MAPK9: variants seen among roughly 807,000 people sequenced by gnomAD.
MAPK9 encodes mitogen-activated protein kinase 9.
A neutral mutation model predicts 57.1 loss-of-function variants in MAPK9; 30 were observed. That is an observed-to-expected ratio of 0.53 (90% CI 0.39 to 0.71). The LOEUF (loss-of-function observed/expected upper bound fraction) is 0.71. Among genes scored for constraint, MAPK9 ranks in the 30% least tolerant of loss-of-function variants. The pLI, the probability that MAPK9 is intolerant of heterozygous loss-of-function variation, is 0.00. For synonymous variants in MAPK9, 155 were observed against 177.0 expected, an observed-to-expected ratio of 0.88 and a Z score of 0.99; for missense variants, 362 against 521.0, an observed-to-expected ratio of 0.69 and a Z score of 2.97.
intron 2 of MAPK9, among the ~76,000 whole-genome samples, chr5:180,278,642 T>A (rs1411610601): frequency 6.6e-6 from 1 of 152,088 alleles, no homozygotes; most frequent in Non-Finnish European, 1.5e-5. Flanking sequence ...GAGGCTACAG[T>A]GAGCTGAGAT....
chr5:180,241,392 G>A (rs1269011155), intron 8 of MAPK9, among the ~76,000 whole-genome samples: 1 of 151,742 alleles, frequency 6.6e-6, no homozygotes, highest in African/African-American at 2.4e-5. Flanking sequence ...CCACCTCCCG[G>A]GTTCACGCCA....
chr5:180,273,244 T>G (rs936087330), intron 2 of MAPK9, among the ~76,000 whole-genome samples: 1 of 152,254 alleles, frequency 6.6e-6, no homozygotes, highest in Non-Finnish European at 1.5e-5. Context: ...CTGTTGTTCT[T>G]TACATATTCT....
intron 2 of MAPK9, among the ~76,000 whole-genome samples, chr5:180,270,808 C>T: frequency 6.9e-6 from 1 of 145,194 alleles, no homozygotes; most frequent in Non-Finnish European, 1.5e-5. Flanking sequence ...CTGATCCCTC[C>T]ACTGCACCCC....
chr5:180,261,140 C>G (rs568028526), intron 5 of MAPK9, among the ~76,000 whole-genome samples: 2 of 152,164 alleles, frequency 1.3e-5, no homozygotes, highest in Non-Finnish European at 2.9e-5. Flanking sequence ...TGCTCTGAAC[C>G]CTTGCGGTGC....
At chr5:180,272,423 C>A (rs1761419024) in intron 2 of MAPK9, among the ~76,000 whole-genome samples, 2 of 152,196 alleles carry the variant, frequency 1.3e-5, no homozygotes, top group South Asian at 4.1e-4. Flanking sequence ...TCCTTTGCTT[C>A]TTTTTTTGTT....
chr5:180,280,645 G>T, intron 1 of MAPK9, 37 bp from the exon 2 acceptor site: 1 of 1,520,022 alleles, frequency 6.6e-7, no homozygotes, highest in Non-Finnish European at 8.9e-7. Context: ...CATTCTTACC[G>T]GAAGTACATA....
At chr5:180,267,548 C>T (rs563567445) in intron 3 of MAPK9, among the ~76,000 whole-genome samples, 248 of 120,362 alleles carry the variant, frequency 2.1e-3, no homozygotes, top group African/African-American at 3.6e-3. Flanking sequence ...GGCGACAGAG[C>T]GAGACTCCGT....
At chr5:180,252,040 C>G (rs987918339) in intron 5 of MAPK9, among the ~76,000 whole-genome samples, 2 of 152,284 alleles carry the variant, frequency 1.3e-5, no homozygotes, top group South Asian at 4.1e-4. Flanking sequence ...GACACTGAAA[C>G]CCGAAGACCC....
At chr5:180,248,891 C>T in intron 6 of MAPK9, 82 bp downstream of exon 6, 2 of 1,470,698 alleles carry the variant, frequency 1.4e-6, no homozygotes, top group Non-Finnish European at 1.8e-6. Context: ...TCATATGGTT[C>T]AAAGGAAAGA....
chr5:180,290,353 C>T (rs545602963), intron 1 of MAPK9, among the ~76,000 whole-genome samples: 2 of 152,292 alleles, frequency 1.3e-5, no homozygotes, highest in South Asian at 2.1e-4. Flanking sequence ...CTCAAGGCCC[C>T]CCAGCACCAC....
chr5:180,265,677 G>A (rs566534285), intron 3 of MAPK9, among the ~76,000 whole-genome samples: 4 of 152,242 alleles, frequency 2.6e-5, no homozygotes, highest in Admixed American at 2.6e-4. Context: ...ATGGCAGTGC[G>A]GGAACGAACC....
intron 1 of MAPK9, chr5:180,287,096 A>G (rs572994789): frequency 6.6e-6 from 1 of 152,354 alleles, no homozygotes; most frequent in South Asian, 2.1e-4. Context: ...AGAGATGCAG[A>G]CTAGATTAGT....
At chr5:180,237,899 G>A (rs1177022932) in intron 11 of MAPK9, 5 of 153,978 alleles carry the variant, frequency 3.2e-5, no homozygotes, top group African/African-American at 1.2e-4. Context: ...ACCACTTTGG[G>A]AGGCTGAGGC....
Position 180,242,650 on chromosome 5 carries a change from T to G in MAPK9, c.794A>C (p.Lys265Thr). The change falls in exon 8 of 12, where the codon AAG becomes ACG. Residue 265 changes from lysine (K) to threonine (T), a missense_variant. Physicochemically the swap from Lys to Thr is moderately conservative, Grantham distance 78. Around this residue, in one of 3 missense-constraint regions of MAPK9, gnomAD observed 199 missense variants for 251.3 expected, o/e 0.79. Transcript: ENST00000452135. ...TVRNYVENRP[K>T]YPGIKFEELF... ...TTCTTCAAATTTGATTCCAGGATACTTTGGTCTGTTTTCGACATAATTCCT... is the reference window on the plus strand; with the variant it reads ...TTCTTCAAATTTGATTCCAGGATACGTTGGTCTGTTTTCGACATAATTCCT... 6.2e-7 allele frequency: 1 copy of G among 1,614,212 alleles called. No individual in the cohort carries two copies. Among genetic ancestry groups the G allele is most frequent in the Non-Finnish European group, 8.5e-7 (1 of 1,180,026 alleles).
At position 180,234,906 on chromosome 5, in the gene MAPK9, AAC is replaced by A. The variant is rs1461529180; in HGVS notation, c.*1476_*1477del. On this transcript the variant is annotated 3_prime_UTR_variant, in exon 12 of 12. Transcript: ENST00000452135. ...CTTTCTTATCACAGTTCCTCCTCAG[AAC>A]ACACTCTACAGAATGTCGACTGAAA... The A allele has an allele frequency of 1.3e-5, 2 of 152,210 alleles. No homozygotes were observed. The highest frequency in any genetic ancestry group is 4.1e-4 in the South Asian group (2 of 4,826). 9.4% of individuals were successfully genotyped at this position (152,210 alleles called of 1,614,324 possible). A position where few individuals can be genotyped will look rare whatever the true frequency, so the allele number is the denominator to read the frequency against.
chr5:180,279,698 A>T, intron 2 of MAPK9: 1 of 365,024 alleles, frequency 2.7e-6, no homozygotes, highest in Non-Finnish European at 5.4e-6. Flanking sequence ...AAAAAGAAAA[A>T]GAAAAAGAAA....
chr5:180,289,701 T>G (rs539186075), intron 1 of MAPK9, among the ~76,000 whole-genome samples: 65 of 152,246 alleles, frequency 4.3e-4, no homozygotes, highest in Admixed American at 7.2e-4. Context: ...CTACCTTTCC[T>G]GCTCTCCTCA....
chr5:180,280,806 A>C (rs543716404), intron 1 of MAPK9, among the ~76,000 whole-genome samples, 198 bp from the exon 2 acceptor site: 2 of 152,312 alleles, frequency 1.3e-5, no homozygotes, highest in African/African-American at 4.8e-5. Context: ...GAAAGGAAGG[A>C]ATTTTGAGGC....
Position 180,247,449 on chromosome 5 carries a change from T to C in MAPK9, c.678A>G (p.Gln226=). The C allele has an allele frequency of 6.2e-7, 1 of 1,614,148 alleles. No homozygotes were observed. The highest frequency in any genetic ancestry group is 8.5e-7 in the Non-Finnish European group (1 of 1,180,038). Residue 226 remains glutamine (Q), a synonymous_variant, in exon 7 of 12, where the codon CAA becomes CAG. Transcript: ENST00000452135. This position sits in a 1 kb window ranked among gnomAD's most constrained non-coding sequence, Gnocchi z 4.5. ...GELVKGCVIF[Q]GTDHIDQWNK... is the part of the protein sequence containing the mutation. Reference sequence around the variant, plus strand: ...CGCGGGGAAGGATACGGTCAGTGCCTTGGAATATCACACAACCTTTCACCA... The same window carrying C: ...CGCGGGGAAGGATACGGTCAGTGCCCTGGAATATCACACAACCTTTCACCA...
Sources: allele counts gnomAD v4.1 joint callset (sites outside exome capture counted in the v4.1 genomes callset), GRCh38; gene constraint gnomAD v4.1.1; regional missense constraint gnomAD v4.1.1; non-coding constraint Gnocchi (gnomAD v3.1); transcripts MANE v1.5; gene names NCBI Gene and HGNC (gene_info 2026-07-23, HGNC 2026-07-21).